Variants in DDX23 observed in about 807,000 individuals in gnomAD.
DDX23 encodes the protein probable ATP-dependent RNA helicase DDX23.
A neutral mutation model predicts 102.7 loss-of-function variants in DDX23; 33 were observed. That is an observed-to-expected ratio of 0.32 (90% CI 0.24 to 0.43). The LOEUF is 0.43. Among genes scored for constraint, DDX23 ranks in the 20% least tolerant of loss-of-function variants. The pLI is 1.00. For synonymous variants in DDX23, 352 were observed against 376.0 expected (o/e 0.94, Z 0.74); for missense variants, 549 against 1,086.6 (o/e 0.51, Z 6.96).
At chr12:48,844,481 G>A (rs1220177241) in intron 2 of DDX23, among the ~76,000 whole-genome samples, 1 of 152,008 alleles carries the variant, frequency 6.6e-6, no homozygotes, top group African/African-American at 2.4e-5. Context: ...GTTTTGCCAT[G>A]TTGGCCAGGC....
At chr12:48,835,498 T>G (rs1023992309) in intron 11 of DDX23, among the ~76,000 whole-genome samples, 6 of 151,770 alleles carry the variant, frequency 4.0e-5, no homozygotes, top group Admixed American at 6.6e-5. Context: ...TCACTTGAGG[T>G]CAGGAGTTAG....
At chr12:48,831,783 T>C (rs1419775106) in intron 15 of DDX23, 2 of 491,600 alleles carry the variant, frequency 4.1e-6, no homozygotes, top group Non-Finnish European at 7.3e-6. Context: ...CACCTACTCT[T>C]TTCTACATCC....
chr12:48,837,558 T>C lies in DDX23; in HGVS notation c.719A>G (p.Glu240Gly), dbSNP rs1211650621. ...DEEGRQKIREEKDKSKELHAI... is the reference protein window; with the variant it reads ...DEEGRQKIREGKDKSKELHAI... Reference sequence around the variant, plus strand: ...ATGCAGTTCCTTGCTCTTATCCTTCTCTTCCCGGATCTTCTGCCGCCCTTC... The same window carrying C: ...ATGCAGTTCCTTGCTCTTATCCTTCCCTTCCCGGATCTTCTGCCGCCCTTC... The change falls in exon 7 of 17, where the codon GAG becomes GGG. Residue 240 changes from glutamate to glycine, a missense_variant. Glu to Gly is a moderately conservative substitution (Grantham distance 98). This residue lies in a region of DDX23 where 270 missense variants were observed against 707.0 expected (regional missense o/e 0.38). Coordinates refer to ENST00000308025, the MANE Select transcript of DDX23 (RefSeq NM_004818.3). 1 of 1,614,186 alleles carries C rather than the reference T, an allele frequency of 6.2e-7. No individual in the cohort carries two copies. The highest frequency in any genetic ancestry group is 2.2e-5 in the East Asian group (1 of 44,884).
chr12:48,851,417 G>A (rs548665996), intron 1 of DDX23, among the ~76,000 whole-genome samples: 337 of 151,552 alleles, frequency 2.2e-3, no homozygotes, highest in African/African-American at 7.6e-3. Flanking sequence ...AGGTTGCAGA[G>A]AACCAAGATC....
In DDX23 at chr12:48,832,944, G is replaced by A. The variant is rs1938412810; in HGVS notation, c.1803+333C>T. On this transcript the variant is annotated intron_variant, in intron 13 of 16. Coordinates refer to ENST00000308025, the MANE Select transcript of DDX23 (RefSeq NM_004818.3). This position sits in a 1 kb window ranked among gnomAD's most constrained non-coding sequence, Gnocchi z 4.4. ...AAACATGTACTCTGAGCCCACCTAAGGCAAGAAAGGCCCAAAAGGAGGTTG... is the reference window on the plus strand; with the variant it reads ...AAACATGTACTCTGAGCCCACCTAAAGCAAGAAAGGCCCAAAAGGAGGTTG... 1.1e-5 allele frequency: 5 copies of A among 450,904 alleles called. No individual in the cohort carries two copies. In the South Asian group the frequency reaches 1.2e-4, roughly 11 times the overall value. The allele number at this position is 450,904 out of a possible 1,614,324, so 27.9% of individuals were successfully genotyped here.
At chr12:48,833,628 A>G in intron 12 of DDX23, 109 bp from the exon 13 acceptor site, 2 of 1,374,002 alleles carry the variant, frequency 1.5e-6, no homozygotes, top group Middle Eastern at 2.2e-4. Flanking sequence ...AGGAACTTGG[A>G]CCCCAACCTC....
chr12:48,838,317 T>C (rs571907606), intron 5 of DDX23, among the ~76,000 whole-genome samples: 1 of 152,106 alleles, frequency 6.6e-6, no homozygotes, highest in Non-Finnish European at 1.5e-5. Context: ...TTATGAGACC[T>C]AGATGGGAGG....
chr12:48,848,446 A>G (rs1938704815), intron 1 of DDX23, among the ~76,000 whole-genome samples: 3 of 152,204 alleles, frequency 2.0e-5, no homozygotes, highest in Admixed American at 2.0e-4. Context: ...CAAGAGATAG[A>G]TGGCTCAGGG....
chr12:48,848,069 A>ATCTT (rs1024021317), intron 1 of DDX23, among the ~76,000 whole-genome samples: 2 of 152,114 alleles, frequency 1.3e-5, no homozygotes, highest in Non-Finnish European at 2.9e-5. Flanking sequence ...GCAGATCAAG[A>ATCTT]GGTCAGGAGA....
In DDX23 at chr12:48,836,555, C is replaced by T; in HGVS notation, c.1236+14G>A. 2 of 1,610,322 alleles carry T rather than the reference C, an allele frequency of 1.2e-6. No homozygotes were observed. Among genetic ancestry groups the T allele is most frequent in the Non-Finnish European group, 1.7e-6 (2 of 1,177,946 alleles). On this transcript the variant is annotated intron_variant, in intron 10 of 16. Coordinates refer to ENST00000308025, the MANE Select transcript of DDX23 (RefSeq NM_004818.3). The surrounding 1 kb of genome is among the most constrained non-coding windows in gnomAD (Gnocchi z 6.1). Reference sequence around the variant, plus strand: ...AACATGTCAGATCTCTTGGGCCAATCTATCCCTCCTTACCTTGTAGCCACA... The same window carrying T: ...AACATGTCAGATCTCTTGGGCCAATTTATCCCTCCTTACCTTGTAGCCACA...
In DDX23 at chr12:48,839,914, A is replaced by T. The variant is rs1208223734; in HGVS notation, c.415-5T>A. ...CTCCAGGGATAATGGCTGGGCCTGA[A>T]GATAAAACAGAACTTTAGTCTATAA... is the stretch of plus-strand genomic sequence containing the variant. On this transcript the variant is annotated splice_polypyrimidine_tract_variant and splice_region_variant and intron_variant, in intron 4 of 16. Transcript: ENST00000308025. The T allele has an allele frequency of 6.2e-7, 1 of 1,614,072 alleles. No individual in the cohort carries two copies. The highest frequency in any genetic ancestry group is 8.5e-7 in the Non-Finnish European group (1 of 1,180,032).
At chr12:48,845,901 C>T in intron 1 of DDX23, 119 bp from the exon 2 acceptor site, 5 of 1,102,662 alleles carry the variant, frequency 4.5e-6, no homozygotes, top group Non-Finnish European at 6.4e-6. Context: ...GTCTACCGTA[C>T]AGATGAGAAC....
rs1210599354 is a variant in DDX23 at position 48,836,656 on chromosome 12, A to G, written c.1149T>C (p.Gly383=). 6.2e-7 allele frequency: 1 copy of G among 1,614,196 alleles called. No individual in the cohort carries two copies. The highest frequency in any genetic ancestry group is 8.5e-7 in the Non-Finnish European group (1 of 1,180,042). The change falls in exon 10 of 17, where the codon GGT becomes GGC. Residue 383 remains glycine, a synonymous_variant. Coordinates refer to ENST00000308025, the MANE Select transcript of DDX23 (RefSeq NM_004818.3). This position sits in a 1 kb window ranked among gnomAD's most constrained non-coding sequence, Gnocchi z 6.1. ...FREDYSITTK[G]GKIPNPIRSW... ...ATCGGATGGGATTGGGGATCTTGCCACCTTTGGTGGTGATGCTGTAGTCCT... is the reference window on the plus strand; with the variant it reads ...ATCGGATGGGATTGGGGATCTTGCCGCCTTTGGTGGTGATGCTGTAGTCCT...
At position 48,837,027 on chromosome 12, in the gene DDX23, G is replaced by T; in HGVS notation, c.877C>A (p.Arg293=). 6.2e-7 allele frequency: 1 copy of T among 1,613,918 alleles called. No homozygotes were observed. The highest frequency in any genetic ancestry group is 8.5e-7 in the Non-Finnish European group (1 of 1,180,024). The change falls in exon 9 of 17, where the codon CGG becomes AGG. Residue 293 remains arginine, a synonymous_variant. Transcript: ENST00000308025. ...CGCCCTAACAACTGCACCTGGTGCC[G>T]TTCTTTGTACCTGGGATTGAGATAG... ...SIDYNPLYKE[R]HQVQLLGRGF...
At chr12:48,835,417 G>A (rs565200513) in intron 11 of DDX23, among the ~76,000 whole-genome samples, 1 of 151,884 alleles carries the variant, frequency 6.6e-6, no homozygotes, top group African/African-American at 2.4e-5. Flanking sequence ...TACTAAAAAT[G>A]TAAAAATTAA....
At chr12:48,840,892 G>GGCC (rs1938539539) in intron 3 of DDX23, among the ~76,000 whole-genome samples, 1 of 151,812 alleles carries the variant, frequency 6.6e-6, no homozygotes, top group Admixed American at 6.6e-5. Context: ...TAGCCTACAT[G>GGCC]GCCACCACCA....
At chr12:48,833,926 C>T (rs1260264708) in intron 12 of DDX23, among the ~76,000 whole-genome samples, 1 of 152,170 alleles carries the variant, frequency 6.6e-6, no homozygotes, top group Non-Finnish European at 1.5e-5. Flanking sequence ...ATAAAGAGCT[C>T]TCCTCCACTT....
At chr12:48,841,286 T>C (rs981418439) in intron 3 of DDX23, among the ~76,000 whole-genome samples, 3 of 152,202 alleles carry the variant, frequency 2.0e-5, no homozygotes, top group East Asian at 1.9e-4. Flanking sequence ...CTTGGGAGGC[T>C]GAGGCAGGAA....
intron 1 of DDX23, among the ~76,000 whole-genome samples, chr12:48,851,279 C>A (rs1938753885): frequency 6.6e-6 from 1 of 152,242 alleles, no homozygotes; most frequent in South Asian, 2.1e-4. Flanking sequence ...CGAGACCAGC[C>A]TGGGGAACAC....
Sources: allele counts gnomAD v4.1 joint callset (sites outside exome capture counted in the v4.1 genomes callset), GRCh38; gene constraint gnomAD v4.1.1; regional missense constraint gnomAD v4.1.1; non-coding constraint Gnocchi (gnomAD v3.1); transcripts MANE v1.5; gene names NCBI Gene and HGNC (gene_info 2026-07-23, HGNC 2026-07-21).